Variants in CREB5 observed in about 807,000 individuals in gnomAD.
The protein encoded by CREB5 is cAMP responsive element binding protein 5, also known as cyclic AMP-responsive element-binding protein 5.
In CREB5, 19 loss-of-function variants were observed where a neutral mutation model predicts 57.1. That is an observed-to-expected ratio of 0.33 (90% confidence interval 0.23 to 0.49). CREB5 has a LOEUF of 0.49. Ranked by LOEUF, CREB5 falls within the 20% of genes least tolerant of loss-of-function variation. The pLI, the probability that CREB5 is intolerant of heterozygous loss-of-function variation, is 0.99. For synonymous variants in CREB5, 238 were observed against 238.3 expected, an observed-to-expected ratio of 1.00 and a Z score of 0.01; for missense variants, 579 against 671.6, an observed-to-expected ratio of 0.86 and a Z score of 1.52.
intron 4 of CREB5, among the ~76,000 whole-genome samples, chr7:28,509,721 G>A (rs1792622717): frequency 1.3e-5 from 2 of 152,182 alleles, no homozygotes; most frequent in Admixed American, 6.5e-5. Flanking sequence ...AGCAACCAAA[G>A]TAAGAAAAGG....
chr7:28,690,075 T>G (rs1801172490), intron 5 of CREB5, among the ~76,000 whole-genome samples: 1 of 152,094 alleles, frequency 6.6e-6, no homozygotes, highest in Non-Finnish European at 1.5e-5. Context: ...CATCCTGACT[T>G]GGTAAGGGAA....
chr7:28,366,709 C>T (rs12155018), intron 1 of CREB5, among the ~76,000 whole-genome samples: 81,952 of 152,014 alleles, frequency 0.54, 22,156 homozygotes, highest in African/African-American at 0.57. Flanking sequence ...GAAAGCAAAA[C>T]ATTGGACATC....
intron 4 of CREB5, among the ~76,000 whole-genome samples, chr7:28,523,498 C>G (rs1793299753): frequency 6.6e-6 from 1 of 152,110 alleles, no homozygotes; most frequent in Non-Finnish European, 1.5e-5. Flanking sequence ...TTTGATGGGT[C>G]CTAAACTCTT....
At chr7:28,724,905 G>T (rs1321497119) in intron 7 of CREB5, among the ~76,000 whole-genome samples, 2 of 152,182 alleles carry the variant, frequency 1.3e-5, no homozygotes, top group African/African-American at 4.8e-5. Context: ...TTGCAGTAAG[G>T]TCAGTCTTTC....
At chr7:28,457,370 A>G (rs966606565) in intron 1 of CREB5, among the ~76,000 whole-genome samples, 1 of 152,170 alleles carries the variant, frequency 6.6e-6, no homozygotes, top group Admixed American at 6.5e-5. Context: ...ATGCTGAGAA[A>G]CAAGTGACTG....
At chr7:28,696,394 A>G (rs1801563029) in intron 5 of CREB5, among the ~76,000 whole-genome samples, 1 of 152,176 alleles carries the variant, frequency 6.6e-6, no homozygotes, top group Admixed American at 6.5e-5. Context: ...TCAAAGAGTT[A>G]TCTGTCCTCC....
chr7:28,434,172 C>T (rs1260519222), intron 1 of CREB5, among the ~76,000 whole-genome samples: 2 of 152,154 alleles, frequency 1.3e-5, no homozygotes, highest in East Asian at 1.9e-4. Flanking sequence ...ATTCCACTTG[C>T]TGCTTCTGCC....
rs765237919 is a variant in CREB5, at chr7:28,561,007, T to TGCGTGTGTGCGTGC, written c.292-9357_292-9356insCGTGTGTGCGTGCG. Among the ~76,000 whole-genome samples the TGCGTGTGTGCGTGC allele has an allele frequency of 1.8e-4, 8 of 44,068 alleles. 2 individuals are homozygous for TGCGTGTGTGCGTGC. The highest frequency in any genetic ancestry group is 4.6e-4 in the Admixed American group (2 of 4,382). 28.9% of individuals were successfully genotyped at this position (44,068 alleles called of 152,430 possible). ...GTGCGTGTGTGTGCCTGCGTGTGCG[T>TGCGTGTGTGCGTGC]GTGTGTGTGCGTGTGTGCGTGTGTG... On this transcript the variant is annotated intron_variant, in intron 4 of 10. Transcript: ENST00000357727.
intron 5 of CREB5, among the ~76,000 whole-genome samples, chr7:28,655,041 G>T (rs1799282886): frequency 6.6e-6 from 1 of 152,002 alleles, no homozygotes; most frequent in South Asian, 2.1e-4. Flanking sequence ...CACCAGAATA[G>T]CTGGGGGTGT....
chr7:28,341,226 T>G (rs939840095), intron 1 of CREB5, among the ~76,000 whole-genome samples: 1 of 152,158 alleles, frequency 6.6e-6, no homozygotes, highest in Non-Finnish European at 1.5e-5. Flanking sequence ...AGTTTCTACT[T>G]TAAAATTTTA....
chr7:28,783,140 A>G (rs765889586), intron 7 of CREB5, among the ~76,000 whole-genome samples: 9 of 152,218 alleles, frequency 5.9e-5, no homozygotes, highest in Non-Finnish European at 1.0e-4. Flanking sequence ...CTAATGTTCA[A>G]TAAAATACTC....
At chr7:28,811,064 C>G (rs1445620008) in intron 9 of CREB5, among the ~76,000 whole-genome samples, 2 of 152,122 alleles carry the variant, frequency 1.3e-5, no homozygotes, top group Admixed American at 6.5e-5. Flanking sequence ...AAGATTGGGA[C>G]TGTCTCTTAC....
intron 5 of CREB5, among the ~76,000 whole-genome samples, chr7:28,590,962 T>C (rs2128664047): frequency 6.6e-6 from 1 of 152,352 alleles, no homozygotes; most frequent in Non-Finnish European, 1.5e-5. Context: ...ATAGTTAATT[T>C]AGAAAGACTT....
At chr7:28,806,010 G>GA (rs983628352) in intron 8 of CREB5, among the ~76,000 whole-genome samples, 282 of 142,664 alleles carry the variant, frequency 2.0e-3, no homozygotes, top group East Asian at 8.9e-3. Flanking sequence ...TATTTAGAAA[G>GA]AAAAAAAAAA....
At chr7:28,529,827 C>T (rs1415188946) in intron 4 of CREB5, among the ~76,000 whole-genome samples, 1 of 152,198 alleles carries the variant, frequency 6.6e-6, no homozygotes, top group Non-Finnish European at 1.5e-5. Context: ...AGCTCCAACA[C>T]ACTTTGCTTT....
At chr7:28,618,667 C>T (rs1446285575) in intron 5 of CREB5, among the ~76,000 whole-genome samples, 4 of 152,218 alleles carry the variant, frequency 2.6e-5, no homozygotes, top group Admixed American at 6.5e-5. Context: ...TCTCAGCAGG[C>T]ATGATCTCTG....
At chr7:28,390,021 C>A (rs913624228) in intron 1 of CREB5, among the ~76,000 whole-genome samples, 1 of 148,904 alleles carries the variant, frequency 6.7e-6, no homozygotes, top group Admixed American at 6.7e-5. Flanking sequence ...CCGGTCATAA[C>A]GTATTTCATG....
At chr7:28,444,358 G>A (rs1789331133) in intron 1 of CREB5, among the ~76,000 whole-genome samples, 2 of 152,112 alleles carry the variant, frequency 1.3e-5, no homozygotes, top group Non-Finnish European at 2.9e-5. Flanking sequence ...AGGAATCTCA[G>A]GCTGCAAATT....
intron 1 of CREB5, among the ~76,000 whole-genome samples, chr7:28,465,915 G>A (rs1039134113): frequency 8.5e-5 from 13 of 152,142 alleles, no homozygotes; most frequent in Non-Finnish European, 1.9e-4. Flanking sequence ...GGGAAGCAGA[G>A]AGACTATTTC....
Sources: allele counts gnomAD v4.1 joint callset (sites outside exome capture counted in the v4.1 genomes callset), GRCh38; gene constraint gnomAD v4.1.1; transcripts MANE v1.5; gene names NCBI Gene and HGNC (gene_info 2026-07-23, HGNC 2026-07-21).